CCDC171: variants seen among roughly 807,000 people sequenced by gnomAD.
CCDC171 encodes the protein coiled-coil domain containing 171.
CCDC171 carries 177 observed loss-of-function variants against 168.2 expected under a neutral mutation model. The observed-to-expected ratio is 1.05, with a 90% CI of 0.93 to 1.19. The LOEUF is 1.19. CCDC171 is among the 50% of genes most tolerant of loss of function. The pLI, the probability that CCDC171 is intolerant of heterozygous loss-of-function variation, is 0.00. For synonymous variants in CCDC171, 687 were observed against 540.8 expected, an observed-to-expected ratio of 1.27 and a Z score of -3.75; for missense variants, 1,991 against 1,539.0, an observed-to-expected ratio of 1.29 and a Z score of -4.91.
At chr9:15,582,846 G>T (rs1417634781) in intron 4 of CCDC171, among the ~76,000 whole-genome samples, 1 of 151,668 alleles carries the variant, frequency 6.6e-6, no homozygotes, top group East Asian at 1.9e-4. Context: ...ATGGGTTGAT[G>T]GGTACAGTAA....
intron 10 of CCDC171, among the ~76,000 whole-genome samples, chr9:15,682,120 A>G (rs1190223852): frequency 2.0e-5 from 3 of 152,050 alleles, no homozygotes; most frequent in Non-Finnish European, 2.9e-5. Context: ...TAAAGTCACT[A>G]TCCTCTATAG....
intron 7 of CCDC171, among the ~76,000 whole-genome samples, chr9:15,632,415 T>C (rs533602242): frequency 6.6e-6 from 1 of 152,020 alleles, no homozygotes; most frequent in South Asian, 2.1e-4. Flanking sequence ...TGAACTCCCA[T>C]TCACAATTGC....
At chr9:15,868,486 C>CGT (rs1333554991) in intron 23 of CCDC171, among the ~76,000 whole-genome samples, 2 of 92,054 alleles carry the variant, frequency 2.2e-5, no homozygotes, top group African/African-American at 3.0e-5. Flanking sequence ...TGTGTGTACA[C>CGT]GTGTGTGTGT....
At position 15,623,472 on chromosome 9, in the gene CCDC171, C is replaced by CGCGCGT; in HGVS notation, c.822+63_822+64insGTGCGC. 7 of 736,586 alleles carry CGCGCGT rather than the reference C, an allele frequency of 9.5e-6. 1 individual carries two copies. The Admixed American group carries it at 1.5e-4, about 16-fold the overall frequency. 45.6% of individuals were successfully genotyped at this position (736,586 alleles called of 1,614,324 possible). A position where few individuals can be genotyped will look rare whatever the true frequency, so the allele number is the denominator to read the frequency against. On this transcript the variant is annotated intron_variant, in intron 7 of 25. Coordinates refer to ENST00000380701, the MANE Select transcript of CCDC171 (RefSeq NM_173550.4). ...GTACAAACTTTCACATATGCGCGCG[C>CGCGCGT]GCGCACACACACACACACACACACA...
intron 25 of CCDC171, among the ~76,000 whole-genome samples, chr9:15,924,834 T>G (rs2132054647): frequency 6.6e-6 from 1 of 151,682 alleles, no homozygotes. Flanking sequence ...TATCCATTAG[T>G]TCCTTTCCAT....
intron 18 of CCDC171, among the ~76,000 whole-genome samples, chr9:15,770,407 A>T (rs1196003239): frequency 6.6e-6 from 1 of 152,190 alleles, no homozygotes; most frequent in Non-Finnish European, 1.5e-5. Flanking sequence ...TTTCCTTTGT[A>T]ATCCCACATC....
chr9:15,789,324 C>A (rs1027589333), intron 21 of CCDC171, among the ~76,000 whole-genome samples: 2 of 152,108 alleles, frequency 1.3e-5, no homozygotes, highest in Admixed American at 1.3e-4. Flanking sequence ...TGGTCCTGAG[C>A]ATTTTACATA....
At chr9:15,666,516 A>G (rs977465753) in intron 9 of CCDC171, among the ~76,000 whole-genome samples, 193 bp downstream of exon 9, 3 of 152,206 alleles carry the variant, frequency 2.0e-5, no homozygotes, top group African/African-American at 7.2e-5. Context: ...TTGGATATTG[A>G]AGTATATTCC....
At chr9:15,663,895 C>T (rs1026210453) in intron 8 of CCDC171, among the ~76,000 whole-genome samples, 3 of 152,094 alleles carry the variant, frequency 2.0e-5, no homozygotes, top group Admixed American at 6.5e-5. Context: ...CGTGAGCCAC[C>T]GCGCCCGGCT....
Position 16,010,735 on chromosome 9 carries a change from G to A in CCDC171, n.369-9854G>A, listed in dbSNP as rs542731019. Among the ~76,000 whole-genome samples, 7 of 119,020 alleles carry A rather than the reference G, an allele frequency of 5.9e-5. No individual in the cohort carries two copies. The South Asian group carries it at 1.9e-3, about 33-fold the overall frequency. 78.1% of individuals were successfully genotyped at this position (119,020 alleles called of 152,430 possible). A position where few individuals can be genotyped will look rare whatever the true frequency, so the allele number is the denominator to read the frequency against. ...AGTGTAGTGTTATTTGGTATTCCAA[G>A]GTCAACAGTTTATTAAAAAAAAAAA... On this transcript the variant is annotated intron_variant and non_coding_transcript_variant, in intron 3 of 9. Coordinates refer to the CCDC171 transcript ENST00000486641.
At chr9:15,966,055 C>T (rs1830759636) in intron 25 of CCDC171, among the ~76,000 whole-genome samples, 1 of 152,084 alleles carries the variant, frequency 6.6e-6, no homozygotes. Flanking sequence ...CTGCTAAGTG[C>T]TAGGGTACAA....
Position 15,594,354 on chromosome 9 carries a change from G to C in CCDC171, c.675+182G>C, listed in dbSNP as rs2131519742. Among the ~76,000 whole-genome samples, 4 of 152,224 alleles carry C rather than the reference G, an allele frequency of 2.6e-5. No individual in the cohort carries two copies. In the South Asian group the frequency reaches 8.3e-4, roughly 32 times the overall value. ...CAACTGTTACCAACAGATACCATTA[G>C]TGTTTAGAGTTCAGTGATTTCCATT... On this transcript the variant is annotated intron_variant, in intron 6 of 25. Transcript: ENST00000380701.
At chr9:15,762,135 C>T (rs1365737052) in intron 18 of CCDC171, among the ~76,000 whole-genome samples, 1 of 145,878 alleles carries the variant, frequency 6.9e-6, no homozygotes, top group African/African-American at 2.5e-5. Context: ...AATTTCTGGG[C>T]AACTTCTAAG....
downstream of CCDC171, among the ~76,000 whole-genome samples, chr9:16,066,341 C>G (rs1013260830): frequency 3.3e-5 from 5 of 152,144 alleles, no homozygotes; most frequent in Admixed American, 6.5e-5. Flanking sequence ...TTATTGTTCA[C>G]TGTAGATGTC....
intron 18 of CCDC171, among the ~76,000 whole-genome samples, chr9:15,748,545 A>G (rs1218450190): frequency 1.3e-5 from 2 of 152,204 alleles, no homozygotes; most frequent in African/African-American, 4.8e-5. Flanking sequence ...GTTGAAATGA[A>G]GGAAAAAATG....
At chr9:15,707,381 T>A (rs967475079) in intron 11 of CCDC171, among the ~76,000 whole-genome samples, 2 of 152,248 alleles carry the variant, frequency 1.3e-5, no homozygotes, top group African/African-American at 4.8e-5. Context: ...GCATAGCTAC[T>A]TTGGTTACGA....
chr9:15,590,478 T>G (rs1401648926), intron 4 of CCDC171, among the ~76,000 whole-genome samples: 1 of 152,204 alleles, frequency 6.6e-6, no homozygotes, highest in Non-Finnish European at 1.5e-5. Context: ...AGCATTTCCT[T>G]CTTTTCTAGG....
chr9:15,646,822 G>A (rs1203607541), intron 7 of CCDC171, among the ~76,000 whole-genome samples: 1 of 152,156 alleles, frequency 6.6e-6, no homozygotes, highest in Non-Finnish European at 1.5e-5. Context: ...ACACCTCACT[G>A]TCAACATTAG....
At chr9:16,079,879 C>G in the CCDC171 span, among the ~76,000 whole-genome samples, 299 of 152,300 alleles carry the variant, frequency 2.0e-3, 1 homozygote, top group African/African-American at 7.1e-3. Flanking sequence ...TCTTAAGAAT[C>G]CTAGAAAGTA....
Sources: gnomAD v4.1 joint callset for allele counts (sites outside exome capture counted in the v4.1 genomes callset) on GRCh38, gnomAD v4.1.1 for gene constraint, MANE v1.5 for transcripts, NCBI Gene and HGNC (gene_info 2026-07-23, HGNC 2026-07-21) for gene names.